AP3D1: variants seen among roughly 807,000 people sequenced by gnomAD.
AP3D1 encodes AP-3 complex subunit delta-1.
AP3D1 carries 51 observed loss-of-function variants against 147.6 expected under a neutral mutation model. The observed-to-expected ratio is 0.35, with a 90% CI of 0.28 to 0.44. AP3D1 has a LOEUF of 0.44. Ranked by LOEUF, AP3D1 falls within the 20% of genes least tolerant of loss-of-function variation. The probability of loss-of-function intolerance (pLI) is 1.00; values close to 1 mark genes in which losing one functional copy is unlikely to be tolerated. For synonymous variants in AP3D1, 760 were observed against 663.0 expected (o/e 1.15, Z -2.25); for missense variants, 1,421 against 1,624.2 (o/e 0.87, Z 2.15).
chr19:2,111,672 C>T lies in AP3D1; in HGVS notation c.2937+7G>A, dbSNP rs760328728. 1.1e-5 allele frequency: 17 copies of T among 1,582,332 alleles called. No homozygotes were observed. Among genetic ancestry groups the T allele is most frequent in the African/African-American group, 1.3e-5 (1 of 74,310 alleles). ...GCGTGGGGCGGGGGCGCTGAAGTAC[C>T]CCTCACCGGGAGCTGCTCCTCCTCT... is the stretch of plus-strand genomic sequence containing the variant. On this transcript the variant is annotated splice_region_variant and intron_variant, in intron 25 of 31. Transcript: ENST00000643116.
At chr19:2,118,953 CCT>C (rs1289598103) in intron 14 of AP3D1, 121 bp from the exon 15 acceptor site, 6 of 893,622 alleles carry the variant, frequency 6.7e-6, no homozygotes, top group Non-Finnish European at 1.0e-5. Flanking sequence ...CTTCCCATTC[CCT>C]GAGCGGTCTC....
At chr19:2,151,582 G>T (rs2019516052), upstream of AP3D1, 1 of 156,010 alleles carries the variant, frequency 6.4e-6, no homozygotes, top group Admixed American at 6.5e-5. Context: ...AGCTGACGAC[G>T]AGCGCCCGGT....
chr19:2,127,076 G>A, intron 9 of AP3D1, 76 bp downstream of exon 9: 2 of 1,504,256 alleles, frequency 1.3e-6, no homozygotes, highest in Non-Finnish European at 1.8e-6. Context: ...ACCAGGCCTG[G>A]CGCCCTCCTG....
At chr19:2,135,170 C>T (rs1425157678) in intron 4 of AP3D1, among the ~76,000 whole-genome samples, 3 of 152,038 alleles carry the variant, frequency 2.0e-5, no homozygotes, top group Non-Finnish European at 4.4e-5. Context: ...CATTGCACTC[C>T]AGCCTGGACG....
In AP3D1 at chr19:2,137,226, C is replaced by T. The variant is rs952703479; in HGVS notation, c.274-135G>A. 10 of 730,960 alleles carry T rather than the reference C, an allele frequency of 1.4e-5. No homozygotes were observed. In the African/African-American group the frequency reaches 1.6e-4, roughly 12 times the overall value. 45.3% of individuals were successfully genotyped at this position (730,960 alleles called of 1,614,324 possible). A position where few individuals can be genotyped will look rare whatever the true frequency, so the allele number is the denominator to read the frequency against. Reference sequence around the variant, plus strand: ...CCTGCAGCCTGGACGCTGGGGCCACCAGCAAGTGGGAACCAACCCGCATTT... The same window carrying T: ...CCTGCAGCCTGGACGCTGGGGCCACTAGCAAGTGGGAACCAACCCGCATTT... On this transcript the variant is annotated intron_variant, in intron 3 of 31. Coordinates refer to ENST00000643116, the MANE Select transcript of AP3D1 (RefSeq NM_001261826.3).
chr19:2,132,602 G>T (rs766691768), intron 4 of AP3D1, 24 bp from the exon 5 acceptor site: 1 of 1,587,664 alleles, frequency 6.3e-7, no homozygotes, highest in Non-Finnish European at 8.6e-7. Flanking sequence ...GAAAGGGGCC[G>T]TGGCCAGGAT....
rs2018461324 is a variant in AP3D1, at chr19:2,116,669, TGGAAGACG to T, written c.1929_1936del (p.Val644ArgfsTer62). The T allele has an allele frequency of 6.2e-7, 1 of 1,608,190 alleles. No homozygotes were observed. Among genetic ancestry groups the T allele is most frequent in the Admixed American group, 1.7e-5 (1 of 59,478 alleles). ...CTTGGGACGCCGCTGCTCCTCCTCG[TGGAAGACG>T]GCCCTGGGCCTCTCGTCCTCTGACT... On this transcript the variant is annotated frameshift_variant, in exon 17 of 32. Transcript: ENST00000643116. LOFTEE classifies it high-confidence loss of function.
At chr19:2,114,842 C>G (rs914130031) in intron 20 of AP3D1, 21 bp from the exon 21 acceptor site, 10 of 1,613,518 alleles carry the variant, frequency 6.2e-6, no homozygotes, top group Non-Finnish European at 7.6e-6. Flanking sequence ...GAGAGGAACC[C>G]CATCACTGGA....
chr19:2,152,016 T>G (rs1374072159), upstream of AP3D1, among the ~76,000 whole-genome samples: 1 of 152,184 alleles, frequency 6.6e-6, no homozygotes, highest in Non-Finnish European at 1.5e-5. Flanking sequence ...ACGGATCCTG[T>G]GGTTCCCGCA....
At chr19:2,109,644 A>G (rs1173702900) in intron 29 of AP3D1, 2 of 553,574 alleles carry the variant, frequency 3.6e-6, no homozygotes, top group East Asian at 5.9e-5. Context: ...CAGGACTTCC[A>G]GGGGCCTGGA....
At position 2,127,204 on chromosome 19, in the gene AP3D1, A is replaced by G; in HGVS notation, c.807-3T>C. 3.7e-6 allele frequency: 6 copies of G among 1,613,678 alleles called. No homozygotes were observed. The highest frequency in any genetic ancestry group is 5.1e-6 in the Non-Finnish European group (6 of 1,179,956). On this transcript the variant is annotated splice_region_variant and splice_polypyrimidine_tract_variant and intron_variant, in intron 8 of 31. Coordinates refer to ENST00000643116, the MANE Select transcript of AP3D1 (RefSeq NM_001261826.3). ...AGAGGAGAGACATGGCAGACGTGCT[A>G]AGGAAAGGAACACAGGGAAGCGGCA...
At chr19:2,142,202 G>C (rs2019241429) in intron 1 of AP3D1, among the ~76,000 whole-genome samples, 1 of 151,996 alleles carries the variant, frequency 6.6e-6, no homozygotes, top group Admixed American at 6.6e-5. Context: ...ATTTTTAGAG[G>C]GGGTTTAGCC....
At chr19:2,159,610 G>A (rs1319747758) in intron 1 of AP3D1, among the ~76,000 whole-genome samples, 4 of 151,588 alleles carry the variant, frequency 2.6e-5, no homozygotes, top group African/African-American at 7.3e-5. Flanking sequence ...GGATGGTCTC[G>A]ATCTCCTGAC....
chr19:2,164,332 C>G lies in AP3D1; in HGVS notation c.-103+24G>C, dbSNP rs528793077. 6.1e-4 allele frequency: 686 copies of G among 1,121,492 alleles called. 5 individuals carry two copies. The African/African-American group carries it at 0.01, about 16-fold the overall frequency. The allele number at this position is 1,121,492 out of a possible 1,614,324, so 69.5% of individuals were successfully genotyped here. ...TCCTCCGCCGCCCCTGGGGACACCC[C>G]AAACCCCCCCAAGCCGCGCTCACCG... On this transcript the variant is annotated intron_variant, in intron 1 of 14. Coordinates refer to the AP3D1 transcript ENST00000643010.
chr19:2,106,120 C>T (rs1371786962), intron 31 of AP3D1, among the ~76,000 whole-genome samples: 4 of 152,050 alleles, frequency 2.6e-5, no homozygotes, highest in South Asian at 2.1e-4. Context: ...GCTGTCAGCA[C>T]GATGACGACA....
intron 24 of AP3D1, 34 bp from the exon 25 acceptor site, chr19:2,111,862 G>A: frequency 6.2e-7 from 1 of 1,611,204 alleles, no homozygotes; most frequent in East Asian, 2.2e-5. Flanking sequence ...TCAGTGCCCA[G>A]GCTGCTCCAG....
At chr19:2,107,251 C>A (rs918303724) in intron 31 of AP3D1, among the ~76,000 whole-genome samples, 1 of 147,862 alleles carries the variant, frequency 6.8e-6, no homozygotes, top group Non-Finnish European at 1.5e-5. Context: ...CAGAGTGAGA[C>A]TCCATCTCAA....
rs151033744 is a variant in AP3D1 at position 2,159,179 on chromosome 19, G to A, written c.-103+5177C>T. Among the ~76,000 whole-genome samples the A allele has an allele frequency of 3.2e-4, 48 of 150,996 alleles. No individual in the cohort carries two copies. The East Asian group carries it at 7.0e-3, about 22-fold the overall frequency. Reference sequence around the variant, plus strand: ...TAATTTTTTTATTTTTAGTAGAGACGGGGTTTCACCATGTTGGCCACGATG... The same window carrying A: ...TAATTTTTTTATTTTTAGTAGAGACAGGGTTTCACCATGTTGGCCACGATG... On this transcript the variant is annotated intron_variant, in intron 1 of 14. Coordinates refer to the AP3D1 transcript ENST00000643010.
intron 15 of AP3D1, among the ~76,000 whole-genome samples, chr19:2,117,600 C>CT (rs1370410683): frequency 2.6e-5 from 4 of 152,246 alleles, no homozygotes; most frequent in African/African-American, 9.6e-5. Context: ...CAACAGGGAG[C>CT]TTTGCCCACT....
Sources: gnomAD v4.1 joint callset for allele counts (sites outside exome capture counted in the v4.1 genomes callset) on GRCh38, gnomAD v4.1.1 for gene constraint, MANE v1.5 for transcripts, NCBI Gene and HGNC (gene_info 2026-07-23, HGNC 2026-07-21) for gene names.